A2ML1: variants seen among roughly 807,000 people sequenced by gnomAD.
The protein encoded by A2ML1 is alpha-2-macroglobulin like 1.
Under a neutral mutation model 181.9 loss-of-function variants are expected in A2ML1, and 161 were observed. The observed-to-expected ratio is 0.89, with a 90% CI of 0.78 to 1.01. The LOEUF (loss-of-function observed/expected upper bound fraction) is 1.01. Ranked by LOEUF, A2ML1 falls within the 50% of genes least tolerant of loss-of-function variation. The pLI, the probability that A2ML1 is intolerant of heterozygous loss-of-function variation, is 0.00. For synonymous variants in A2ML1, 663 were observed against 666.8 expected (o/e 0.99, Z 0.09); for missense variants, 1,670 against 1,768.1 (o/e 0.94, Z 1.00).
At chr12:8,875,721 A>C (rs767698673) in intron 35 of A2ML1, 3 of 152,294 alleles carry the variant, frequency 2.0e-5, no homozygotes, top group Non-Finnish European at 2.9e-5. Flanking sequence ...TTACAGGTGT[A>C]AGCCACTGTG....
At chr12:8,872,955 C>T (rs907572195) in intron 33 of A2ML1, among the ~76,000 whole-genome samples, 2 of 152,016 alleles carry the variant, frequency 1.3e-5, no homozygotes, top group Admixed American at 6.6e-5. Flanking sequence ...CATAAAGTAG[C>T]CTCTGATAAC....
Position 8,857,807 on chromosome 12 carries a change from C to A in A2ML1, c.3108-139C>A, listed in dbSNP as rs947352486. On this transcript the variant is annotated intron_variant, in intron 25 of 35. Transcript: ENST00000299698. ...TTGTCCTCATTGGTGCCCATTAATGCCTCTCTTTTCTAGGCCTGCTATGGC... is the reference window on the plus strand; with the variant it reads ...TTGTCCTCATTGGTGCCCATTAATGACTCTCTTTTCTAGGCCTGCTATGGC... 2.3e-6 allele frequency: 3 copies of A among 1,281,200 alleles called. No individual in the cohort carries two copies. In the Admixed American group the frequency reaches 6.3e-5, roughly 27 times the overall value. The allele number at this position is 1,281,200 out of a possible 1,614,324, so 79.4% of individuals were successfully genotyped here.
chr12:8,874,879 G>A, intron 34 of A2ML1, 92 bp from the exon 35 acceptor site: 1 of 1,235,734 alleles, frequency 8.1e-7, no homozygotes, highest in Non-Finnish European at 1.2e-6. Flanking sequence ...GAGATTCTCT[G>A]GAAGGGGCTC....
chr12:8,857,136 A>G (rs762179998), intron 23 of A2ML1, 28 bp from the exon 24 acceptor site: 3 of 1,604,012 alleles, frequency 1.9e-6, no homozygotes. Flanking sequence ...CTGTACCCCT[A>G]CCTTCTCTCT....
chr12:8,874,567 TG>T, intron 34 of A2ML1, 40 bp downstream of exon 34: 2 of 1,475,004 alleles, frequency 1.4e-6, no homozygotes, highest in Non-Finnish European at 1.9e-6. Flanking sequence ...AGATCTTACC[TG>T]CATCTCCCAA....
chr12:8,840,957 AGG>A (rs1491098389), intron 10 of A2ML1, among the ~76,000 whole-genome samples: 1 of 149,222 alleles, frequency 6.7e-6, no homozygotes, highest in Non-Finnish European at 1.5e-5. Context: ...GAAGGAAGGA[AGG>A]AAGGAAAGAA....
chr12:8,887,121 G>C (rs1172225053), downstream of A2ML1: 1 of 151,934 alleles, frequency 6.6e-6, no homozygotes, highest in Non-Finnish European at 1.5e-5. Flanking sequence ...CAGCACTCAA[G>C]CCTGGGCAAC....
downstream of A2ML1, among the ~76,000 whole-genome samples, chr12:8,879,140 T>C (rs190704177): frequency 2.6e-5 from 4 of 151,568 alleles, no homozygotes; most frequent in East Asian, 7.7e-4. Flanking sequence ...GCAAAGGAGG[T>C]CATTCCCAAG....
intron 5 of A2ML1, among the ~76,000 whole-genome samples, chr12:8,835,240 G>A (rs1350554309): frequency 6.6e-6 from 1 of 152,202 alleles, no homozygotes; most frequent in African/African-American, 2.4e-5. Flanking sequence ...TAAAACTGGA[G>A]ATAACACTTT....
At chr12:8,839,580 A>C (rs888872806) in intron 10 of A2ML1, among the ~76,000 whole-genome samples, 2 of 152,174 alleles carry the variant, frequency 1.3e-5, no homozygotes, top group African/African-American at 2.4e-5. Flanking sequence ...GGTCTTTCTA[A>C]TGCCAGGGGC....
chr12:8,859,302 A>T (rs73038791), intron 26 of A2ML1, among the ~76,000 whole-genome samples: 8,056 of 152,188 alleles, frequency 0.053, 315 homozygotes, highest in Non-Finnish European at 0.087. Context: ...TTAAAAAAAA[A>T]ATCTATTTAT....
chr12:8,837,375 T>C, intron 7 of A2ML1, 65 bp from the exon 8 acceptor site: 1 of 1,595,060 alleles, frequency 6.3e-7, no homozygotes, highest in Non-Finnish European at 8.6e-7. Flanking sequence ...AAGTGGTGTT[T>C]GAGGGAAGAG....
At position 8,855,456 on chromosome 12, in the gene A2ML1, C is replaced by A. The variant is rs754235014; in HGVS notation, c.2765-53C>A. On this transcript the variant is annotated intron_variant, in intron 22 of 35. Coordinates refer to ENST00000299698, the MANE Select transcript of A2ML1 (RefSeq NM_144670.6). ...TTCTTCTAAAATTTTGTCTTGAGAA[C>A]CCCTGCCATTCCCCATCTTCTATTG... is the stretch of plus-strand genomic sequence containing the variant. 13 of 1,568,836 alleles carry A rather than the reference C, an allele frequency of 8.3e-6. No individual in the cohort carries two copies. The African/African-American group carries it at 1.5e-4, about 18-fold the overall frequency.
intron 33 of A2ML1, among the ~76,000 whole-genome samples, chr12:8,871,843 C>T (rs1435667439): frequency 6.6e-6 from 1 of 152,092 alleles, no homozygotes; most frequent in East Asian, 1.9e-4. Flanking sequence ...CACACACACA[C>T]AATTTTTTTC....
At chr12:8,848,199 G>A (rs1210946720) in intron 15 of A2ML1, among the ~76,000 whole-genome samples, 1 of 151,470 alleles carries the variant, frequency 6.6e-6, no homozygotes, top group Non-Finnish European at 1.5e-5. Context: ...TATGAATGCA[G>A]AGACAAGAAA....
chr12:8,838,512 C>A, intron 9 of A2ML1, 62 bp downstream of exon 9: 1 of 1,305,350 alleles, frequency 7.7e-7, no homozygotes, highest in Admixed American at 1.9e-5. Flanking sequence ...GTCCCAGGGA[C>A]AGATTTACTC....
chr12:8,874,359 C>A (rs1944730202), intron 33 of A2ML1, 66 bp from the exon 34 acceptor site: 3 of 1,279,068 alleles, frequency 2.3e-6, no homozygotes, highest in Non-Finnish European at 3.4e-6. Context: ...GTCTTTTATT[C>A]CACATTGCAT....
chr12:8,839,192 T>C lies in A2ML1; in HGVS notation c.1050T>C (p.Phe350=), dbSNP rs201247776. 2.1e-3 allele frequency: 3,460 copies of C among 1,613,634 alleles called. 12 individuals carry two copies. The highest frequency in any genetic ancestry group is 1.9e-3 in the Non-Finnish European group (2,266 of 1,179,676). ...TGACCTTTGAAGACACCAGCAATTT[T>C]TACCATCCAAATTTCCCCTTCAGTG... The part of the protein sequence containing the change: ...GSMTFEDTSN[F]YHPNFPFSGK... Residue 350 remains phenylalanine (F), a synonymous_variant, in exon 10 of 36, where the codon TTT becomes TTC. Coordinates refer to ENST00000299698, the MANE Select transcript of A2ML1 (RefSeq NM_144670.6).
chr12:8,884,791 G>A (rs1944905907), intron 7 of A2ML1, among the ~76,000 whole-genome samples: 1 of 152,182 alleles, frequency 6.6e-6, no homozygotes, highest in Non-Finnish European at 1.5e-5. Flanking sequence ...TTCTGTTTCT[G>A]CATTAGTTTG....
Sources: allele counts gnomAD v4.1 joint callset (sites outside exome capture counted in the v4.1 genomes callset), GRCh38; gene constraint gnomAD v4.1.1; transcripts MANE v1.5; gene names NCBI Gene and HGNC (gene_info 2026-07-23, HGNC 2026-07-21).